Variants in GRAMD2A observed in about 807,000 individuals in gnomAD.
GRAMD2A encodes GRAM domain-containing protein 2A.
Under a neutral mutation model 51.1 loss-of-function variants are expected in GRAMD2A, and 37 were observed. That is an observed-to-expected ratio of 0.72 (90% confidence interval 0.56 to 0.95). GRAMD2A has a LOEUF of 0.95. Ranked by LOEUF, GRAMD2A falls within the 40% of genes least tolerant of loss-of-function variation. The pLI, the probability that GRAMD2A is intolerant of heterozygous loss-of-function variation, is 0.00. For missense variants in GRAMD2A, 414 were observed against 426.9 expected, an observed-to-expected ratio of 0.97 and a Z score of 0.27; for synonymous variants, 136 against 157.1, an observed-to-expected ratio of 0.87 and a Z score of 1.01.
intron 7 of GRAMD2A, among the ~76,000 whole-genome samples, chr15:72,165,938 G>A (rs181575901): frequency 2.6e-5 from 4 of 151,848 alleles, no homozygotes; most frequent in Admixed American, 6.6e-5. Context: ...GTGCAATCTC[G>A]GCTCACTACA....
At chr15:72,179,701 G>A (rs547451594) in intron 1 of GRAMD2A, among the ~76,000 whole-genome samples, 2 of 152,336 alleles carry the variant, frequency 1.3e-5, no homozygotes, top group East Asian at 1.9e-4. Context: ...TCAGTCTGGG[G>A]TGGGGCTGGG....
Position 72,166,997 on chromosome 15 carries a change from C to T in GRAMD2A, c.468G>A (p.Gln156=). Residue 156 remains glutamine, a synonymous_variant, in exon 6 of 12, where the codon CAG becomes CAA. Coordinates refer to ENST00000309731, the MANE Select transcript of GRAMD2A (RefSeq NM_001012642.3). The surrounding 1 kb of genome is among the most constrained non-coding windows in gnomAD (Gnocchi z 4.1). ...AGCATGGGCCCAGTGCACTGACCTT[C>T]TGGCTGGTGTTGGTGGTGATGGCCA... is the stretch of plus-strand genomic sequence containing the variant. The part of the protein sequence containing the change: ...NGLAITTNTS[Q]KYIFVSLLSR... 2 of 1,613,176 alleles carry T rather than the reference C, an allele frequency of 1.2e-6. No homozygotes were observed. Among genetic ancestry groups the T allele is most frequent in the Non-Finnish European group, 8.5e-7 (1 of 1,179,158 alleles).
chr15:72,167,138 G>A (rs374565144), intron 5 of GRAMD2A, 46 bp from the exon 6 acceptor site: 18 of 1,443,606 alleles, frequency 1.2e-5, no homozygotes, highest in East Asian at 6.8e-5. Context: ...CCCCAAGGAC[G>A]TGGTCCCTTT....
At chr15:72,162,067 G>A (rs1009838633) in intron 11 of GRAMD2A, 55 bp from the exon 12 acceptor site, 33 of 1,608,062 alleles carry the variant, frequency 2.1e-5, no homozygotes, top group Middle Eastern at 1.6e-4. Context: ...GCAGACGGAC[G>A]TGGGCAGAAG....
At position 72,175,445 on chromosome 15, in the gene GRAMD2A, T is replaced by G. The variant is rs148195829; in HGVS notation, c.42-5506A>C. 6.1e-4 allele frequency among the ~76,000 whole-genome samples: 93 copies of G among 152,306 alleles called. No individual in the cohort carries two copies. In the East Asian group the frequency reaches 0.014, roughly 24 times the overall value. ...TCCCAGACCTTCCTGCTTTCCAGCC[T>G]CATCGCCCGTCATTCCCTCCCCTGC... is the stretch of plus-strand genomic sequence containing the variant. On this transcript the variant is annotated intron_variant, in intron 1 of 11. Coordinates refer to ENST00000309731, the MANE Select transcript of GRAMD2A (RefSeq NM_001012642.3).
chr15:72,176,461 G>A (rs945367325), intron 1 of GRAMD2A: 4 of 152,698 alleles, frequency 2.6e-5, no homozygotes, highest in African/African-American at 9.6e-5. Flanking sequence ...CTCAAGGCCA[G>A]GCCAAAGACA....
chr15:72,162,046 G>A (rs762126138), intron 11 of GRAMD2A, 34 bp from the exon 12 acceptor site: 1 of 1,613,962 alleles, frequency 6.2e-7, no homozygotes, highest in South Asian at 1.1e-5. Flanking sequence ...ATCAGGGAAA[G>A]GGCCCAGAAT....
At chr15:72,183,691 C>T (rs2140557347) in intron 1 of GRAMD2A, among the ~76,000 whole-genome samples, 1 of 152,200 alleles carries the variant, frequency 6.6e-6, no homozygotes. Context: ...AAATACAAAA[C>T]AACAAAAAGT....
At chr15:72,191,980 T>A (rs554051752) in intron 1 of GRAMD2A, among the ~76,000 whole-genome samples, 1 of 152,258 alleles carries the variant, frequency 6.6e-6, no homozygotes, top group African/African-American at 2.4e-5. Flanking sequence ...ATGGAGGGAA[T>A]GTAAATGCTG....
At position 72,176,854 on chromosome 15, in the gene GRAMD2A, C is replaced by CTTT. The variant is rs60618044; in HGVS notation, c.42-6918_42-6916dup. 2.7e-3 allele frequency among the ~76,000 whole-genome samples: 194 copies of CTTT among 72,164 alleles called. 4 individuals are homozygous for CTTT. The highest frequency in any genetic ancestry group is 9.0e-3 in the African/African-American group (175 of 19,368). The allele number at this position is 72,164 out of a possible 152,430, so 47.3% of individuals were successfully genotyped here. A position where few individuals can be genotyped will look rare whatever the true frequency, so the allele number is the denominator to read the frequency against. On this transcript the variant is annotated intron_variant, in intron 1 of 11. Transcript: ENST00000309731. ...GTGCACATTAGAATCACCTGCAGTG[C>CTTT]TTTTTTTTTTTTTTTTTTTTTTTTT... is the stretch of plus-strand genomic sequence containing the variant.
At position 72,165,367 on chromosome 15, in the gene GRAMD2A, T is replaced by C. The variant is rs1567081556; in HGVS notation, c.587A>G (p.Glu196Gly). 1 of 1,613,936 alleles carries C rather than the reference T, an allele frequency of 6.2e-7. No individual in the cohort carries two copies. ...TTCAGCTCTCACCAGAGACTCAGGT[T>C]CCCCTGAAAATTCTCTTACACTCAG... Reference protein sequence around the residue: ...KSLSVREFSGEPESLEVLIPE... With the variant: ...KSLSVREFSGGPESLEVLIPE... Residue 196 changes from glutamate to glycine, a missense_variant, in exon 8 of 12, where the codon GAA becomes GGA. Coordinates refer to ENST00000309731, the MANE Select transcript of GRAMD2A (RefSeq NM_001012642.3).
intron 1 of GRAMD2A, among the ~76,000 whole-genome samples, chr15:72,181,268 A>C (rs1331864317): frequency 1.3e-5 from 2 of 152,274 alleles, no homozygotes; most frequent in African/African-American, 2.4e-5. Flanking sequence ...TCTTAAAAGC[A>C]ATGGGGAACC....
chr15:72,177,529 G>A (rs2081662955), intron 1 of GRAMD2A, among the ~76,000 whole-genome samples: 1 of 152,186 alleles, frequency 6.6e-6, no homozygotes, highest in Non-Finnish European at 1.5e-5. Flanking sequence ...CTTTTACTCA[G>A]CAATGCATTT....
intron 1 of GRAMD2A, among the ~76,000 whole-genome samples, chr15:72,179,203 G>C (rs2081678767): frequency 6.6e-6 from 1 of 152,218 alleles, no homozygotes; most frequent in African/African-American, 2.4e-5. Context: ...TGGAGGGCCA[G>C]AGGCCTATCT....
At chr15:72,162,424 A>T in intron 10 of GRAMD2A, 47 bp from the exon 11 acceptor site, 2 of 1,422,660 alleles carry the variant, frequency 1.4e-6, no homozygotes, top group Non-Finnish European at 2.0e-6. Context: ...CCACAGAAAG[A>T]GCATTTCTGG....
At chr15:72,187,281 G>A (rs1296548759) in intron 1 of GRAMD2A, among the ~76,000 whole-genome samples, 1 of 151,838 alleles carries the variant, frequency 6.6e-6, no homozygotes, top group Non-Finnish European at 1.5e-5. Flanking sequence ...ATAAAGGGAT[G>A]ATGTTCACTC....
intron 1 of GRAMD2A, among the ~76,000 whole-genome samples, chr15:72,191,643 G>A (rs1310872668): frequency 6.6e-6 from 1 of 152,206 alleles, no homozygotes; most frequent in Non-Finnish European, 1.5e-5. Context: ...ATTCTTCAAA[G>A]AGAAATAACT....
chr15:72,174,366 G>A (rs893550976), intron 1 of GRAMD2A, among the ~76,000 whole-genome samples: 3 of 152,166 alleles, frequency 2.0e-5, no homozygotes, highest in Admixed American at 6.5e-5. Context: ...GGCAGCCGCT[G>A]TAGACTCTAC....
At chr15:72,190,842 A>G (rs1235677590) in intron 1 of GRAMD2A, among the ~76,000 whole-genome samples, 2 of 152,168 alleles carry the variant, frequency 1.3e-5, no homozygotes, top group Non-Finnish European at 2.9e-5. Context: ...TACTCCTCTA[A>G]TTAAGCAGCT....
Sources: allele counts gnomAD v4.1 joint callset (sites outside exome capture counted in the v4.1 genomes callset), GRCh38; gene constraint gnomAD v4.1.1; non-coding constraint Gnocchi (gnomAD v3.1); transcripts MANE v1.5; gene names NCBI Gene and HGNC (gene_info 2026-07-23, HGNC 2026-07-21).